Variants in PTGES3 observed in about 807,000 individuals in gnomAD.
PTGES3 encodes Hsp90 co-chaperone.
In PTGES3, 5 loss-of-function variants were observed where a neutral mutation model predicts 29.9. The ratio of observed to expected loss-of-function variants is 0.17; its 90% CI spans 0.09 to 0.35. PTGES3 has a LOEUF of 0.35. PTGES3 is among the 10% of genes least tolerant of loss of function. The pLI is 1.00. For synonymous variants in PTGES3, 49 were observed against 57.8 expected, an observed-to-expected ratio of 0.85 and a Z score of 0.69; for missense variants, 128 against 190.0, an observed-to-expected ratio of 0.67 and a Z score of 1.92.
intron 1 of PTGES3, among the ~76,000 whole-genome samples, chr12:56,681,558 A>AG (rs1952544443): frequency 1.5e-5 from 2 of 132,998 alleles, no homozygotes; most frequent in Admixed American, 7.8e-5. Flanking sequence ...AAAAAAAAAA[A>AG]AAAGAATCAG....
chr12:56,684,574 G>A (rs1211209288), intron 1 of PTGES3, among the ~76,000 whole-genome samples: 1 of 152,174 alleles, frequency 6.6e-6, no homozygotes, highest in Non-Finnish European at 1.5e-5. Context: ...CAAGTTTCTG[G>A]ACAACTTCCT....
intron 1 of PTGES3, among the ~76,000 whole-genome samples, chr12:56,685,382 G>A (rs1185888390): frequency 6.9e-6 from 1 of 144,110 alleles, no homozygotes; most frequent in East Asian, 2.0e-4. Context: ...CGTTTTGAAG[G>A]TAGCATTTTT....
intron 1 of PTGES3, among the ~76,000 whole-genome samples, chr12:56,678,246 C>T (rs916756743): frequency 7.2e-5 from 11 of 152,166 alleles, no homozygotes; most frequent in East Asian, 1.9e-4. Flanking sequence ...GGCGTGATCT[C>T]GGCTCACAGC....
chr12:56,677,559 T>C (rs1952314802), intron 1 of PTGES3, among the ~76,000 whole-genome samples: 1 of 152,182 alleles, frequency 6.6e-6, no homozygotes, highest in African/African-American at 2.4e-5. Context: ...GTTTCTTATA[T>C]AACCATACCT....
intron 1 of PTGES3, chr12:56,687,171 T>G: frequency 9.6e-7 from 1 of 1,037,516 alleles, no homozygotes; most frequent in Non-Finnish European, 1.2e-6. Flanking sequence ...TTTAAGATCT[T>G]TGGGACGACT....
At chr12:56,679,332 A>G (rs1339133418) in intron 1 of PTGES3, among the ~76,000 whole-genome samples, 2 of 142,562 alleles carry the variant, frequency 1.4e-5, no homozygotes, top group African/African-American at 5.2e-5. Context: ...GGTTGAACCC[A>G]GGAGGCGGAG....
At chr12:56,687,920 G>A (rs1029641973) in intron 1 of PTGES3, 78 bp downstream of exon 1, 21 of 1,602,696 alleles carry the variant, frequency 1.3e-5, no homozygotes, top group Non-Finnish European at 1.6e-5. Context: ...AGAAAGGCTA[G>A]GGGGCCGCTT....
intron 5 of PTGES3, among the ~76,000 whole-genome samples, chr12:56,668,828 CA>C (rs1209827918): frequency 5.4e-5 from 8 of 146,976 alleles, no homozygotes; most frequent in African/African-American, 2.0e-4. Flanking sequence ...TCGACTTATA[CA>C]CTAATGTTCT....
At chr12:56,687,542 G>A in intron 1 of PTGES3, 5 of 1,007,492 alleles carry the variant, frequency 5.0e-6, no homozygotes, top group Non-Finnish European at 5.9e-6. Context: ...CAGGAGCTCC[G>A]CCAGGCACCT....
chr12:56,664,893 A>G, intron 6 of PTGES3, 93 bp from the exon 7 acceptor site: 2 of 1,543,436 alleles, frequency 1.3e-6, no homozygotes, highest in Non-Finnish European at 1.7e-6. Flanking sequence ...TATATTTTTG[A>G]CTAAAGTAGC....
chr12:56,673,569 G>A (rs1952093000), intron 1 of PTGES3, among the ~76,000 whole-genome samples: 1 of 150,900 alleles, frequency 6.6e-6, no homozygotes, highest in Non-Finnish European at 1.5e-5. Context: ...TGAGGTGGGT[G>A]GATCACCTAA....
Position 56,688,039 on chromosome 12 carries a change from C to A in PTGES3, c.-40G>T, listed in dbSNP as rs1414599435. 6.6e-7 allele frequency: 1 copy of A among 1,509,416 alleles called. No homozygotes were observed. Among genetic ancestry groups the A allele is most frequent in the South Asian group, 1.2e-5 (1 of 81,016 alleles). 93.5% of individuals were successfully genotyped at this position (1,509,416 alleles called of 1,614,324 possible). ...GGGGACGGGCGAACTGGTGGGCGGG[C>A]CTCTCTGGCGGCGGCTGCTGCTAGG... is the stretch of plus-strand genomic sequence containing the variant. On this transcript the variant is annotated 5_prime_UTR_variant, in exon 1 of 8. Coordinates refer to ENST00000262033, the MANE Select transcript of PTGES3 (RefSeq NM_006601.7).
At chr12:56,685,613 G>C (rs1266013685) in intron 1 of PTGES3, among the ~76,000 whole-genome samples, 1 of 151,078 alleles carries the variant, frequency 6.6e-6, no homozygotes, top group Non-Finnish European at 1.5e-5. Flanking sequence ...TGTTAGCCAG[G>C]ATGGTCTCGA....
rs186501530 is a variant in PTGES3 at position 56,671,227 on chromosome 12, C to T, written c.285+522G>A. Among the ~76,000 whole-genome samples the T allele has an allele frequency of 7.3e-4, 111 of 152,200 alleles. 1 individual carries two copies. The highest frequency in any genetic ancestry group is 9.6e-4 in the Non-Finnish European group (65 of 68,018). On this transcript the variant is annotated intron_variant, in intron 4 of 7. Transcript: ENST00000262033. The stretch of plus-strand genomic sequence containing the variant: ...CAAGCTGGGCAACACTGTGATACCC[C>T]TTTCTACAAAAAATACAAAAATTAG...
chr12:56,683,357 C>A (rs1296746603), intron 1 of PTGES3, among the ~76,000 whole-genome samples: 1 of 151,020 alleles, frequency 6.6e-6, no homozygotes, highest in Non-Finnish European at 1.5e-5. Context: ...CCTGTGATCG[C>A]AGCTACCCGG....
chr12:56,667,648 TAG>T (rs1390449127), intron 5 of PTGES3, among the ~76,000 whole-genome samples: 1 of 152,006 alleles, frequency 6.6e-6, no homozygotes, highest in African/African-American at 2.4e-5. Flanking sequence ...CACACAAAAA[TAG>T]AGAGTAGAAT....
intron 1 of PTGES3, chr12:56,687,183 T>C: frequency 2.9e-6 from 3 of 1,047,688 alleles, no homozygotes; most frequent in Non-Finnish European, 3.5e-6. Context: ...GGGACGACTG[T>C]AGGTTAATTA....
chr12:56,682,700 A>G (rs570024058), intron 1 of PTGES3, among the ~76,000 whole-genome samples: 2 of 129,202 alleles, frequency 1.5e-5, no homozygotes, highest in African/African-American at 6.1e-5. Context: ...CAACACGGTA[A>G]GATCCCGTCT....
intron 1 of PTGES3, among the ~76,000 whole-genome samples, chr12:56,676,183 G>A (rs1174726963): frequency 7.3e-6 from 1 of 136,272 alleles, no homozygotes; most frequent in Non-Finnish European, 1.5e-5. Flanking sequence ...CCGAGATCAC[G>A]CCACTGCACT....
Sources: gnomAD v4.1 joint callset for allele counts (sites outside exome capture counted in the v4.1 genomes callset) on GRCh38, gnomAD v4.1.1 for gene constraint, MANE v1.5 for transcripts, NCBI Gene and HGNC (gene_info 2026-07-23, HGNC 2026-07-21) for gene names.